Variants in KCNH1 observed in about 807,000 individuals in gnomAD.
KCNH1 encodes the protein potassium voltage-gated channel subfamily H member 1, also known as voltage-gated delayed rectifier potassium channel KCNH1.
In KCNH1, 27 loss-of-function variants were observed where a neutral mutation model predicts 69.2. The ratio of observed to expected loss-of-function variants is 0.39; its 90% CI spans 0.29 to 0.54. The LOEUF is 0.54. Ranked by LOEUF, KCNH1 falls within the 20% of genes least tolerant of loss-of-function variation. The pLI is 0.68. For synonymous variants in KCNH1, 456 were observed against 487.7 expected (o/e 0.93, Z 0.86); for missense variants, 798 against 1,261.6 (o/e 0.63, Z 5.57).
intron 6 of KCNH1, among the ~76,000 whole-genome samples, chr1:210,989,440 C>G (rs1029877059): frequency 2.6e-5 from 4 of 152,218 alleles, no homozygotes; most frequent in Non-Finnish European, 4.4e-5. Flanking sequence ...CTATCCATTT[C>G]TATACTCAAA....
intron 7 of KCNH1, chr1:210,861,496 C>T: frequency 1.3e-6 from 1 of 774,354 alleles, no homozygotes; most frequent in Non-Finnish European, 2.4e-6. Context: ...AGGCCCACTT[C>T]TTGCATTTCC....
At chr1:210,999,657 C>T (rs1169771154) in intron 6 of KCNH1, among the ~76,000 whole-genome samples, 1 of 152,224 alleles carries the variant, frequency 6.6e-6, no homozygotes. Flanking sequence ...CTCCCTAACT[C>T]ATTTTATGAG....
At chr1:211,069,667 A>G (rs544654805) in intron 5 of KCNH1, among the ~76,000 whole-genome samples, 1 of 152,144 alleles carries the variant, frequency 6.6e-6, no homozygotes, top group East Asian at 1.9e-4. Flanking sequence ...GTCAATAGAG[A>G]CCTCCAAAAC....
intron 6 of KCNH1, among the ~76,000 whole-genome samples, chr1:210,978,449 T>A (rs1052659530): frequency 4.0e-4 from 61 of 152,328 alleles, no homozygotes; most frequent in African/African-American, 1.3e-3. Flanking sequence ...AGAGGCAGTT[T>A]CGATTGACTG....
intron 3 of KCNH1, among the ~76,000 whole-genome samples, chr1:211,097,008 C>G (rs1055074356): frequency 6.6e-6 from 1 of 152,158 alleles, no homozygotes; most frequent in African/African-American, 2.4e-5. Context: ...TACTATTATT[C>G]CCATTTCAAA....
intron 7 of KCNH1, among the ~76,000 whole-genome samples, chr1:210,887,428 C>T (rs931395349): frequency 6.6e-6 from 1 of 152,094 alleles, no homozygotes; most frequent in African/African-American, 2.4e-5. Flanking sequence ...CCGGGACCAG[C>T]CACTGCAAAA....
chr1:210,972,570 T>G (rs1257094811), intron 6 of KCNH1, among the ~76,000 whole-genome samples: 1 of 152,172 alleles, frequency 6.6e-6, no homozygotes, highest in Non-Finnish European at 1.5e-5. Context: ...CGTTTTCTGA[T>G]GAAGACAATC....
chr1:211,046,840 A>T (rs1300571594), intron 5 of KCNH1, among the ~76,000 whole-genome samples: 1 of 152,208 alleles, frequency 6.6e-6, no homozygotes, highest in African/African-American at 2.4e-5. Context: ...GCACAAAGCT[A>T]ATTAAGTGGT....
At chr1:210,873,378 C>T (rs891811676) in intron 7 of KCNH1, among the ~76,000 whole-genome samples, 1 of 152,140 alleles carries the variant, frequency 6.6e-6, no homozygotes, top group African/African-American at 2.4e-5. Flanking sequence ...AGAGACATCT[C>T]ACTCTGTTGT....
At chr1:211,025,978 T>C (rs375546757) in intron 5 of KCNH1, among the ~76,000 whole-genome samples, 62 of 152,314 alleles carry the variant, frequency 4.1e-4, no homozygotes, top group African/African-American at 1.4e-3. Flanking sequence ...TCAGGGCCTT[T>C]GCAGCCTCCA....
chr1:210,954,748 G>T (rs1688134743), intron 6 of KCNH1, among the ~76,000 whole-genome samples: 1 of 151,198 alleles, frequency 6.6e-6, no homozygotes, highest in African/African-American at 2.4e-5. Flanking sequence ...TTTTTGATGG[G>T]GTTGTTTTTT....
intron 6 of KCNH1, among the ~76,000 whole-genome samples, chr1:210,926,664 C>A (rs1186262981): frequency 6.6e-6 from 1 of 151,950 alleles, no homozygotes; most frequent in Non-Finnish European, 1.5e-5. Context: ...GCTTCTTTAA[C>A]CCCCGCAAAA....
intron 10 of KCNH1, among the ~76,000 whole-genome samples, chr1:210,765,487 C>A (rs1184298380): frequency 6.6e-6 from 1 of 152,156 alleles, no homozygotes; most frequent in Non-Finnish European, 1.5e-5. Context: ...CTTAATGGAT[C>A]AGAAGCAAAT....
intron 7 of KCNH1, among the ~76,000 whole-genome samples, chr1:210,813,755 T>A (rs1034380701): frequency 3.3e-5 from 5 of 152,206 alleles, no homozygotes; most frequent in African/African-American, 1.2e-4. Context: ...TTTGGCTGTG[T>A]CCTCACCCAA....
chr1:210,730,427 A>G lies in KCNH1; in HGVS notation c.2112+44921T>C, dbSNP rs138039499. Among the ~76,000 whole-genome samples, 314 of 152,246 alleles carry G rather than the reference A, an allele frequency of 2.1e-3. 10 individuals are homozygous for G. The highest frequency in any genetic ancestry group is 0.019 in the Admixed American group (288 of 15,294). On this transcript the variant is annotated intron_variant, in intron 10 of 10. Coordinates refer to ENST00000271751, the MANE Select transcript of KCNH1 (RefSeq NM_172362.3). ...ACAAAAAAGGAGTGAAATGGCCCAC[A>G]CCATTCACCAGATGACCTTTTTAAG...
At chr1:211,009,217 T>C (rs1689348667) in intron 6 of KCNH1, among the ~76,000 whole-genome samples, 1 of 152,140 alleles carries the variant, frequency 6.6e-6, no homozygotes, top group African/African-American at 2.4e-5. Flanking sequence ...GATCTGACCA[T>C]TAGATTTGGC....
chr1:210,971,358 G>T (rs1334248338), intron 6 of KCNH1, among the ~76,000 whole-genome samples: 1 of 152,124 alleles, frequency 6.6e-6, no homozygotes, highest in Non-Finnish European at 1.5e-5. Flanking sequence ...TTGTGTAGTT[G>T]AGTCCATTCA....
chr1:210,997,885 G>A (rs1196719100), intron 6 of KCNH1, among the ~76,000 whole-genome samples: 25 of 152,194 alleles, frequency 1.6e-4, no homozygotes, highest in South Asian at 1.0e-3. Context: ...AGAATTTTCA[G>A]CGCAGAATTT....
intron 8 of KCNH1, among the ~76,000 whole-genome samples, chr1:210,800,098 C>A (rs576410960): frequency 6.6e-6 from 1 of 152,348 alleles, no homozygotes; most frequent in South Asian, 2.1e-4. Context: ...GATGCCCTTG[C>A]TCTGTGTGCT....
Sources: allele counts gnomAD v4.1 joint callset (sites outside exome capture counted in the v4.1 genomes callset), GRCh38; gene constraint gnomAD v4.1.1; transcripts MANE v1.5; gene names NCBI Gene and HGNC (gene_info 2026-07-23, HGNC 2026-07-21).